SLC22A11: variants seen among roughly 807,000 people sequenced by gnomAD.
SLC22A11 encodes solute carrier family 22 member 11.
A neutral mutation model predicts 49.4 loss-of-function variants in SLC22A11; 42 were observed. That is an observed-to-expected ratio of 0.85 (90% confidence interval 0.66 to 1.10). The LOEUF is 1.10. SLC22A11 is among the 50% of genes least tolerant of loss of function. The probability of loss-of-function intolerance (pLI) is 0.00; values close to 1 mark genes in which losing one functional copy is unlikely to be tolerated. For missense variants in SLC22A11, 685 were observed against 731.6 expected, an observed-to-expected ratio of 0.94 and a Z score of 0.74; for synonymous variants, 304 against 315.8, an observed-to-expected ratio of 0.96 and a Z score of 0.40.
rs1221467344 is a variant in SLC22A11, at chr11:64,565,215, C to T, written c.943-7C>T. 23 of 1,527,112 alleles carry T rather than the reference C, an allele frequency of 1.5e-5. No homozygotes were observed. Among genetic ancestry groups the T allele is most frequent in the Non-Finnish European group, 1.9e-5 (22 of 1,132,184 alleles). 94.6% of individuals were successfully genotyped at this position (1,527,112 alleles called of 1,614,324 possible). On this transcript the variant is annotated splice_polypyrimidine_tract_variant and splice_region_variant and intron_variant, in intron 5 of 9. Coordinates refer to ENST00000301891, the MANE Select transcript of SLC22A11 (RefSeq NM_018484.4). The surrounding 1 kb of genome is among the most constrained non-coding windows in gnomAD (Gnocchi z 4.1). ...ACCATTCACGGTGCCCCCATTCTCC[C>T]CGGAAGGTGCTGATGTCCAGCGTGA...
At chr11:64,566,707 G>A (rs894551437) in intron 6 of SLC22A11, 2 of 152,144 alleles carry the variant, frequency 1.3e-5, no homozygotes, top group South Asian at 2.1e-4. Context: ...ACCGCGGCTT[G>A]TGCGATTTTA....
Position 64,564,224 on chromosome 11 carries a change from G to A in SLC22A11, c.822-84G>A, listed in dbSNP as rs916980218. ...TTCCTCATCACTCATCTCAGCTGGAGGGTCCGTGCCCACTGCCCCTTTCCA... is the reference window on the plus strand; with the variant it reads ...TTCCTCATCACTCATCTCAGCTGGAAGGTCCGTGCCCACTGCCCCTTTCCA... On this transcript the variant is annotated intron_variant, in intron 4 of 9. Transcript: ENST00000301891. This position sits in a 1 kb window ranked among gnomAD's most constrained non-coding sequence, Gnocchi z 4.2. The A allele has an allele frequency of 9.7e-6, 15 of 1,545,640 alleles. No homozygotes were observed. The highest frequency in any genetic ancestry group is 1.2e-5 in the South Asian group (1 of 84,074).
intron 4 of SLC22A11, among the ~76,000 whole-genome samples, chr11:64,563,610 TAAAAAAAAAA>T (rs869085115): frequency 8.0e-4 from 35 of 43,858 alleles, no homozygotes; most frequent in South Asian, 1.2e-3. Flanking sequence ...TTAAATGTGC[TAAAAAAAAAA>T]AAAAAAAAAA....
chr11:64,561,298 T>C (rs1184522544), intron 2 of SLC22A11, among the ~76,000 whole-genome samples: 2 of 152,138 alleles, frequency 1.3e-5, no homozygotes, highest in Admixed American at 6.5e-5. Context: ...TTGATTCTCA[T>C]AGCAGCCCTG....
intron 1 of SLC22A11, among the ~76,000 whole-genome samples, chr11:64,558,263 C>T (rs2038491059): frequency 6.6e-6 from 1 of 152,322 alleles, no homozygotes; most frequent in Non-Finnish European, 1.5e-5. Flanking sequence ...AGAACCTCAT[C>T]CTCGTCATCC....
intron 1 of SLC22A11, among the ~76,000 whole-genome samples, chr11:64,558,170 A>C (rs2038490334): frequency 6.6e-6 from 1 of 152,182 alleles, no homozygotes; most frequent in Admixed American, 6.5e-5. Flanking sequence ...CCTGAGCCGA[A>C]AGGATCCTCC....
chr11:64,569,449 G>T (rs1209052647), intron 8 of SLC22A11, among the ~76,000 whole-genome samples: 1 of 152,202 alleles, frequency 6.6e-6, no homozygotes, highest in Non-Finnish European at 1.5e-5. Context: ...TGGGGAAAAT[G>T]AGGTGGGCCC....
intron 2 of SLC22A11, among the ~76,000 whole-genome samples, chr11:64,561,509 C>A (rs995423689): frequency 6.6e-6 from 1 of 152,108 alleles, no homozygotes; most frequent in South Asian, 2.1e-4. Context: ...AGTGCAGAGG[C>A]GTGATCATAC....
chr11:64,570,649 CTTAT>C (rs1312324311), intron 9 of SLC22A11, among the ~76,000 whole-genome samples: 4 of 152,138 alleles, frequency 2.6e-5, no homozygotes, highest in African/African-American at 9.7e-5. Context: ...TTTATGTCAC[CTTAT>C]TTAATCGATA....
Position 64,567,799 on chromosome 11 carries a change from T to A in SLC22A11, c.1259T>A (p.Met420Lys), listed in dbSNP as rs2038648945. 3 of 1,599,792 alleles carry A rather than the reference T, an allele frequency of 1.9e-6. No homozygotes were observed. The highest frequency in any genetic ancestry group is 2.6e-6 in the Non-Finnish European group (3 of 1,174,444). The change falls in exon 7 of 10, where the codon ATG (methionine) becomes AAG (lysine). Residue 420 changes from methionine (M) to lysine (K), a missense_variant. By Grantham distance (95) the Met-to-Lys change is moderately conservative. Coordinates refer to ENST00000301891, the MANE Select transcript of SLC22A11 (RefSeq NM_018484.4). The part of the protein sequence containing the change: ...AMAGLAILAN[M>K]LVPQDLQTLR... ...GCCGGCCTCGCCATTCTAGCCAACA[T>A]GCTGGTGCCGCAAGGTGAGGCAGGC...
In SLC22A11 at chr11:64,556,192, A is replaced by T. The variant is rs1473932666; in HGVS notation, c.193A>T (p.Thr65Ser). Reference protein sequence around the residue: ...DNGSAVSTNMTPKALLTISIP... With the variant: ...DNGSAVSTNMSPKALLTISIP... ...TGGCTCTGCGGTTTCCACAAACATG[A>T]CCCCCAAGGCCCTTCTGACCATCTC... The change falls in exon 1 of 10, where the codon ACC (threonine) becomes TCC (serine). Residue 65 changes from threonine to serine, a missense_variant. Physicochemically the swap from Thr to Ser is moderately conservative, Grantham distance 58. Transcript: ENST00000301891. 6 of 1,613,298 alleles carry T rather than the reference A, an allele frequency of 3.7e-6. No homozygotes were observed. Among genetic ancestry groups the T allele is most frequent in the Admixed American group, 1.7e-5 (1 of 59,928 alleles).
chr11:64,558,659 A>G (rs2038497862), intron 1 of SLC22A11, among the ~76,000 whole-genome samples: 1 of 152,074 alleles, frequency 6.6e-6, no homozygotes, highest in South Asian at 2.1e-4. Flanking sequence ...CCTGGCCAGC[A>G]CTCAGTAGAG....
intron 2 of SLC22A11, among the ~76,000 whole-genome samples, chr11:64,560,970 C>T (rs2038535329): frequency 6.6e-6 from 1 of 152,242 alleles, no homozygotes. Flanking sequence ...TCAGTTTCCC[C>T]CCAGCAGTGG....
Position 64,556,389 on chromosome 11 carries a change from C to T in SLC22A11, c.390C>T (p.Ala130=), listed in dbSNP as rs773646464. ...GCGTCTTCACCTCCACCATCGTGGC[C>T]AAGGTAGGGCCTCCCCCAGAGCCAC... ...DRSVFTSTIV[A]KWDLVCSSQG... The change falls in exon 1 of 10, where the codon GCC becomes GCT. Residue 130 remains alanine (A), a synonymous_variant. Coordinates refer to ENST00000301891, the MANE Select transcript of SLC22A11 (RefSeq NM_018484.4). The T allele has an allele frequency of 8.4e-5, 136 of 1,610,166 alleles. No individual in the cohort carries two copies. Among genetic ancestry groups the T allele is most frequent in the Non-Finnish European group, 1.0e-4 (118 of 1,179,980 alleles).
intron 6 of SLC22A11, chr11:64,566,250 A>G (rs1240983316): frequency 1.4e-5 from 2 of 147,584 alleles, no homozygotes; most frequent in Non-Finnish European, 3.0e-5. Context: ...CGTCAAAGGA[A>G]AAAAAAAAAA....
chr11:64,562,017 C>T lies in SLC22A11; in HGVS notation c.511C>T (p.Pro171Ser), dbSNP rs2038551380. 4 of 1,612,706 alleles carry T rather than the reference C, an allele frequency of 2.5e-6. No individual in the cohort carries two copies. Among genetic ancestry groups the T allele is most frequent in the Non-Finnish European group, 3.4e-6 (4 of 1,179,610 alleles). ...CTCCTGTGACAGGTTTGGGAGGAAG[C>T]CGATGCTGAGCTGGTGCTGCCTGCA... ...GLLSYRFGRK[P>S]MLSWCCLQLA... is the part of the protein sequence containing the mutation. The change falls in exon 3 of 10, where the codon CCG (proline) becomes TCG (serine). Residue 171 changes from proline (P) to serine (S), a missense_variant. Transcript: ENST00000301891. The surrounding 1 kb of genome is among the most constrained non-coding windows in gnomAD (Gnocchi z 4.4).
chr11:64,568,578 T>G, intron 7 of SLC22A11, 92 bp from the exon 8 acceptor site: 1 of 1,016,162 alleles, frequency 9.8e-7, no homozygotes, highest in Non-Finnish European at 1.5e-6. Context: ...GAGCCCAGGG[T>G]CCCCTCTGCT....
At chr11:64,569,583 GA>G in intron 8 of SLC22A11, 68 bp from the exon 9 acceptor site, 1 of 1,506,258 alleles carries the variant, frequency 6.6e-7, no homozygotes, top group South Asian at 1.2e-5. Context: ...TGGCATCTGT[GA>G]GCCCAGGATG....
rs869085115 is a variant in SLC22A11, at chr11:64,563,610, T to TAAAAAAAAAAAAAA, written c.822-683_822-670dup. Among the ~76,000 whole-genome samples the TAAAAAAAAAAAAAA allele has an allele frequency of 2.5e-4, 11 of 43,858 alleles. 1 individual carries two copies. Among genetic ancestry groups the TAAAAAAAAAAAAAA allele is most frequent in the Non-Finnish European group, 3.0e-4 (8 of 26,288 alleles). 28.8% of individuals were successfully genotyped at this position (43,858 alleles called of 152,430 possible). Reference sequence around the variant, plus strand: ...CTGCCTGGGGATATTTTAAATGTGCTAAAAAAAAAAAAAAAAAAAAAAAAA... The same window carrying TAAAAAAAAAAAAAA: ...CTGCCTGGGGATATTTTAAATGTGCTAAAAAAAAAAAAAAAAAAAAAAAAAAAAAAAAAAAAAAA... On this transcript the variant is annotated intron_variant, in intron 4 of 9. Coordinates refer to ENST00000301891, the MANE Select transcript of SLC22A11 (RefSeq NM_018484.4).
Sources: gnomAD v4.1 joint callset for allele counts (sites outside exome capture counted in the v4.1 genomes callset) on GRCh38, gnomAD v4.1.1 for gene constraint, Gnocchi (gnomAD v3.1) non-coding constraint, MANE v1.5 for transcripts, NCBI Gene and HGNC (gene_info 2026-07-23, HGNC 2026-07-21) for gene names.